The following PCM1 variants were observed in gnomAD, a reference collection of about 807,000 sequenced individuals.
PCM1 encodes the protein pericentriolar material 1, also known as pericentriolar material 1 protein.
A neutral mutation model predicts 241.9 loss-of-function variants in PCM1; 157 were observed. The ratio of observed to expected loss-of-function variants is 0.65; its 90% CI spans 0.57 to 0.74. The LOEUF is 0.74. PCM1 is among the 30% of genes least tolerant of loss of function. The pLI, the probability that PCM1 is intolerant of heterozygous loss-of-function variation, is 0.00. For synonymous variants in PCM1, 1,085 were observed against 784.9 expected (o/e 1.38, Z -6.39); for missense variants, 3,478 against 2,360.1 (o/e 1.47, Z -9.81).
intron 29 of PCM1, among the ~76,000 whole-genome samples, chr8:17,996,035 T>C (rs181834422): frequency 4.6e-5 from 7 of 152,078 alleles, no homozygotes; most frequent in African/African-American, 1.7e-4. Flanking sequence ...TTTCTTTCTC[T>C]TGTCTGATTA....
intron 22 of PCM1, among the ~76,000 whole-genome samples, chr8:17,970,933 A>T (rs1587355987): frequency 1.3e-5 from 2 of 152,190 alleles, no homozygotes; most frequent in South Asian, 4.1e-4. Flanking sequence ...CTGTAGTCTT[A>T]TTCAGGGGTC....
chr8:18,013,852 A>C, intron 34 of PCM1, 112 bp from the exon 35 acceptor site: 2 of 652,456 alleles, frequency 3.1e-6, no homozygotes, highest in Non-Finnish European at 5.3e-6. Flanking sequence ...GATACTTTTA[A>C]ATTTCTTTGT....
At chr8:17,948,019 T>C (rs2064474416) in intron 7 of PCM1, among the ~76,000 whole-genome samples, 1 of 152,186 alleles carries the variant, frequency 6.6e-6, no homozygotes, top group African/African-American at 2.4e-5. Flanking sequence ...TAGTTTCTCG[T>C]TAAATTGCAA....
chr8:17,984,575 T>C (rs1392216741), intron 24 of PCM1, among the ~76,000 whole-genome samples: 2 of 151,950 alleles, frequency 1.3e-5, no homozygotes, highest in Admixed American at 6.6e-5. Flanking sequence ...AGATATTAAA[T>C]TATTAGCCAA....
At chr8:17,940,662 G>T (rs746755045) in intron 6 of PCM1, among the ~76,000 whole-genome samples, 21 of 152,030 alleles carry the variant, frequency 1.4e-4, no homozygotes, top group Admixed American at 1.4e-3. Flanking sequence ...CTAGTAAATG[G>T]GACAGGATAG....
intron 25 of PCM1, 90 bp downstream of exon 25, chr8:17,985,709 A>G (rs902466594): frequency 1.5e-5 from 16 of 1,034,852 alleles, no homozygotes; most frequent in African/African-American, 8.1e-5. Context: ...AGCATGTGCC[A>G]TATGAATTTT....
In PCM1 at chr8:17,956,655, T is replaced by G; in HGVS notation, c.1524T>G (p.His508Gln). Residue 508 changes from histidine to glutamine, a missense_variant, in exon 11 of 39, where the codon CAT becomes CAG. Physicochemically the swap from His to Gln is conservative, Grantham distance 24 (BLOSUM62 0). Transcript: ENST00000325083. ...KRLNELRELV[H>Q]YYEQTSDMMT... Reference sequence around the variant, plus strand: ...TGAATGAGCTAAGAGAATTAGTTCATTATTATGAACAAACGTCAGACATGA... The same window carrying G: ...TGAATGAGCTAAGAGAATTAGTTCAGTATTATGAACAAACGTCAGACATGA... The G allele has an allele frequency of 6.2e-7, 1 of 1,603,182 alleles. No individual in the cohort carries two copies. Among genetic ancestry groups the G allele is most frequent in the Non-Finnish European group, 8.5e-7 (1 of 1,173,118 alleles).
At chr8:17,993,030 C>G (rs2085335541) in intron 28 of PCM1, among the ~76,000 whole-genome samples, 1 of 150,478 alleles carries the variant, frequency 6.6e-6, no homozygotes, top group South Asian at 2.1e-4. Flanking sequence ...GACTTTCTCA[C>G]ACTCTGTGGG....
intron 29 of PCM1, among the ~76,000 whole-genome samples, chr8:17,996,865 A>G (rs1203606454): frequency 6.6e-6 from 1 of 151,990 alleles, no homozygotes; most frequent in African/African-American, 2.4e-5. Context: ...ATCTTACTGT[A>G]CCATGTCTTG....
intron 13 of PCM1, among the ~76,000 whole-genome samples, chr8:17,958,008 A>G (rs1253075627): frequency 6.6e-6 from 1 of 152,208 alleles, no homozygotes; most frequent in Non-Finnish European, 1.5e-5. Flanking sequence ...TATCTGTCAC[A>G]ATTTCACAAT....
At position 17,957,311 on chromosome 8, in the gene PCM1, A is replaced by G; in HGVS notation, c.1694A>G (p.Asn565Ser). Residue 565 changes from asparagine (N) to serine (S), a missense_variant, in exon 12 of 39, where the codon AAT (asparagine) becomes AGT (serine). Physicochemically the swap from Asn to Ser is conservative, Grantham distance 46. Coordinates refer to ENST00000325083, the MANE Select transcript of PCM1 (RefSeq NM_006197.4). ...TGGAATGAAGTAAATAGTCATAGTA[A>G]TGCACAGTGTGTTTCTAATAATAGA... ...STWNEVNSHS[N>S]AQCVSNNRDG... 1 of 1,612,148 alleles carries G rather than the reference A, an allele frequency of 6.2e-7. No individual in the cohort carries two copies. Among genetic ancestry groups the G allele is most frequent in the South Asian group, 1.1e-5 (1 of 90,996 alleles).
At chr8:17,956,117 C>T (rs1243125443) in intron 10 of PCM1, among the ~76,000 whole-genome samples, 1 of 150,740 alleles carries the variant, frequency 6.6e-6, no homozygotes, top group Non-Finnish European at 1.5e-5. Context: ...CTGGCACTTA[C>T]AGTAAGAACT....
chr8:17,935,675 A>G lies in PCM1; in HGVS notation c.65A>G (p.Asn22Ser), dbSNP rs34478029. The change falls in exon 3 of 39, where the codon AAT (asparagine) becomes AGT (serine). Residue 22 changes from asparagine to serine, a missense_variant. Transcript: ENST00000325083. Reference protein sequence around the residue: ...MNDQDLPNWSNENVDDRLNNM... With the variant: ...MNDQDLPNWSSENVDDRLNNM... Reference sequence around the variant, plus strand: ...GATCAGGATTTACCAAACTGGAGTAATGAGAATGTTGATGACAGGCTCAAC... The same window carrying G: ...GATCAGGATTTACCAAACTGGAGTAGTGAGAATGTTGATGACAGGCTCAAC... The G allele has an allele frequency of 3.9e-6, 6 of 1,530,756 alleles. No homozygotes were observed. Among genetic ancestry groups the G allele is most frequent in the Non-Finnish European group, 5.4e-6 (6 of 1,104,430 alleles). The allele number at this position is 1,530,756 out of a possible 1,614,324, so 94.8% of individuals were successfully genotyped here. A position where few individuals can be genotyped will look rare whatever the true frequency, so the allele number is the denominator to read the frequency against.
intron 36 of PCM1, among the ~76,000 whole-genome samples, chr8:18,016,999 G>C (rs1332803500): frequency 6.6e-6 from 1 of 152,206 alleles, no homozygotes; most frequent in Admixed American, 6.5e-5. Flanking sequence ...TGGGCTTCCT[G>C]ATTTCTGTCA....
chr8:17,968,375 AGT>A (rs2075686047), intron 21 of PCM1, among the ~76,000 whole-genome samples: 1 of 152,192 alleles, frequency 6.6e-6, no homozygotes, highest in African/African-American at 2.4e-5. Context: ...CACTGGTGAA[AGT>A]GTTCGGGAGA....
chr8:18,026,959 A>T (rs1315409566), intron 38 of PCM1, among the ~76,000 whole-genome samples: 1 of 152,184 alleles, frequency 6.6e-6, no homozygotes, highest in African/African-American at 2.4e-5. Flanking sequence ...AATATCATTC[A>T]TTGTAGAGCC....
At chr8:18,022,953 T>G (rs1470940040) in intron 36 of PCM1, among the ~76,000 whole-genome samples, 2 of 152,222 alleles carry the variant, frequency 1.3e-5, no homozygotes, top group Non-Finnish European at 2.9e-5. Flanking sequence ...TCATCCTTAT[T>G]TGGCGATGGT....
chr8:17,933,758 T>G (rs1179866499), intron 2 of PCM1, among the ~76,000 whole-genome samples: 1 of 152,168 alleles, frequency 6.6e-6, no homozygotes, highest in African/African-American at 2.4e-5. Flanking sequence ...TACCACCTTT[T>G]CTCTTTTCAG....
chr8:17,968,344 AT>A (rs1014125979), intron 21 of PCM1, among the ~76,000 whole-genome samples: 1 of 152,168 alleles, frequency 6.6e-6, no homozygotes, highest in African/African-American at 2.4e-5. Flanking sequence ...ATAACATGAA[AT>A]TTATATTTTA....
Sources: allele counts gnomAD v4.1 joint callset (sites outside exome capture counted in the v4.1 genomes callset), GRCh38; gene constraint gnomAD v4.1.1; transcripts MANE v1.5; gene names NCBI Gene and HGNC (gene_info 2026-07-23, HGNC 2026-07-21).